DMD: variants seen among roughly 807,000 people sequenced by gnomAD.
The protein encoded by DMD is dystrophin, also known as mutant dystrophin.
A neutral mutation model predicts 330.1 loss-of-function variants in DMD; 63 were observed. The observed-to-expected ratio is 0.19, with a 90% confidence interval of 0.16 to 0.24. DMD has a LOEUF of 0.24. Among genes scored for constraint, DMD ranks in the 10% least tolerant of loss-of-function variants. The probability of loss-of-function intolerance (pLI) is 1.00; values close to 1 mark genes in which losing one functional copy is unlikely to be tolerated. For synonymous variants in DMD, 1,223 were observed against 959.8 expected, an observed-to-expected ratio of 1.27 and a Z score of -5.07; for missense variants, 3,344 against 2,684.1, an observed-to-expected ratio of 1.25 and a Z score of -5.43.
chrX:32,820,380 T>C (rs1051774180), intron 5 of DMD, among the ~76,000 whole-genome samples: 2 of 111,147 alleles, frequency 1.8e-5, no homozygotes, highest in Non-Finnish European at 3.8e-5. Context: ...AGGCGGAGCT[T>C]GCAGTGAGCA....
At chrX:31,817,685 A>G (rs16989832) in intron 50 of DMD, among the ~76,000 whole-genome samples, 3,550 of 111,410 alleles carry the variant, frequency 0.032, 150 homozygotes, top group African/African-American at 0.11. Flanking sequence ...AATGTGGAGG[A>G]CATAGGAGAA....
intron 44 of DMD, among the ~76,000 whole-genome samples, chrX:32,006,201 C>A (rs924751371): frequency 9.0e-6 from 1 of 111,712 alleles, no homozygotes; most frequent in Non-Finnish European, 1.9e-5. Context: ...ATCAACTCTG[C>A]AATATTTCAC....
intron 2 of DMD, among the ~76,000 whole-genome samples, chrX:32,942,004 C>A (rs1036550617): frequency 8.9e-6 from 1 of 111,744 alleles, no homozygotes; most frequent in African/African-American, 3.3e-5. Flanking sequence ...TACAAAATAA[C>A]AAAAACACCC....
At chrX:31,974,476 G>A (rs923280057) in intron 44 of DMD, among the ~76,000 whole-genome samples, 1 of 109,793 alleles carries the variant, frequency 9.1e-6, no homozygotes, top group Non-Finnish European at 1.9e-5. Context: ...GAAATAAAAT[G>A]CACCTTTTTA....
At chrX:31,522,123 T>C (rs5927763) in intron 55 of DMD, among the ~76,000 whole-genome samples, 33,308 of 107,838 alleles carry the variant, frequency 0.31, 4,291 homozygotes, top group African/African-American at 0.44. Context: ...ATCATACAAG[T>C]GATGATATTT....
At chrX:32,730,162 G>A (rs1480310220) in intron 7 of DMD, among the ~76,000 whole-genome samples, 1 of 111,583 alleles carries the variant, frequency 9.0e-6, no homozygotes, top group Non-Finnish European at 1.9e-5. Context: ...GCAAGACCCT[G>A]TCTCTACAAA....
At position 32,783,359 on chromosome X, in the gene DMD, T is replaced by TAC. The variant is rs760621406; in HGVS notation, c.649+26132_649+26133dup. On this transcript the variant is annotated intron_variant, in intron 7 of 78. Transcript: ENST00000357033. Reference sequence around the variant, plus strand: ...TATATACACATATATGGTATATATATACACACATATATATACACATATATA... The same window carrying TAC: ...TATATACACATATATGGTATATATATACACACACATATATATACACATATATA... Among the ~76,000 whole-genome samples, 81 of 103,429 alleles carry TAC rather than the reference T, an allele frequency of 7.8e-4. 1 individual carries two copies. In the East Asian group the frequency reaches 0.019, roughly 24 times the overall value. The allele number at this position is 103,429 out of a possible 115,157, so 89.8% of individuals were successfully genotyped here.
chrX:33,233,110 G>A (rs1342105809), intron 1 of DMD, among the ~76,000 whole-genome samples: 1 of 111,355 alleles, frequency 9.0e-6, no homozygotes, highest in Non-Finnish European at 1.9e-5. Flanking sequence ...AAAAATATGA[G>A]GTAACAGATT....
chrX:32,807,358 A>G, intron 7 of DMD, among the ~76,000 whole-genome samples: 1 of 111,132 alleles, frequency 9.0e-6, no homozygotes, highest in Non-Finnish European at 1.9e-5. Context: ...TGTTTAAGCG[A>G]TAAGATGCTC....
intron 1 of DMD, among the ~76,000 whole-genome samples, chrX:33,208,788 T>A (rs982221461): frequency 5.4e-5 from 6 of 111,052 alleles, no homozygotes; most frequent in Non-Finnish European, 9.5e-5. Context: ...AAATCATTTT[T>A]AATAAGTTAG....
chrX:31,837,724 C>T (rs181942835), intron 48 of DMD, among the ~76,000 whole-genome samples: 1 of 111,417 alleles, frequency 9.0e-6, no homozygotes, highest in East Asian at 2.8e-4. Flanking sequence ...GTTTAAGTGT[C>T]TCCGTGCCAC....
At chrX:32,898,599 T>C (rs1196117999) in intron 2 of DMD, among the ~76,000 whole-genome samples, 1 of 112,139 alleles carries the variant, frequency 8.9e-6, no homozygotes, top group Non-Finnish European at 1.9e-5. Flanking sequence ...GGCAGATTAA[T>C]GCAAATTGAG....
At chrX:32,083,522 G>C (rs1215018377) in intron 44 of DMD, among the ~76,000 whole-genome samples, 1 of 111,554 alleles carries the variant, frequency 9.0e-6, no homozygotes, top group African/African-American at 3.3e-5. Context: ...CTCCCAAAGT[G>C]CTGGGATTAC....
At chrX:31,304,023 T>C (rs748384325) in intron 62 of DMD, among the ~76,000 whole-genome samples, 2 of 112,499 alleles carry the variant, frequency 1.8e-5, no homozygotes, top group Non-Finnish European at 3.8e-5. Context: ...TATCTTTAGA[T>C]AAATGTTTTT....
chrX:32,775,682 C>T (rs957216249), intron 7 of DMD, among the ~76,000 whole-genome samples: 2 of 112,902 alleles, frequency 1.8e-5, no homozygotes, highest in Non-Finnish European at 3.8e-5. Flanking sequence ...TTGGGCCTGG[C>T]CCACCAAACC....
intron 7 of DMD, among the ~76,000 whole-genome samples, chrX:32,713,977 T>C (rs1436884600): frequency 8.9e-6 from 1 of 112,130 alleles, no homozygotes; most frequent in African/African-American, 3.2e-5. Flanking sequence ...ACAAAGCCTG[T>C]TCTATAAAAA....
At chrX:31,966,574 T>G (rs2095353245) in intron 45 of DMD, among the ~76,000 whole-genome samples, 1 of 110,913 alleles carries the variant, frequency 9.0e-6, no homozygotes, top group Non-Finnish European at 1.9e-5. Flanking sequence ...TTAATGTAGG[T>G]CAACATGTTT....
chrX:31,898,665 C>T (rs1313519523), intron 47 of DMD, among the ~76,000 whole-genome samples: 4 of 111,605 alleles, frequency 3.6e-5, no homozygotes, highest in Non-Finnish European at 5.7e-5. Flanking sequence ...CCATAAAAAC[C>T]CTAGAAGATA....
Position 32,849,751 on chromosome X carries a change from C to T in DMD, c.163G>A (p.Glu55Lys), listed in dbSNP as rs1603448406. 2.5e-6 allele frequency: 3 copies of T among 1,208,173 alleles called. No homozygotes were observed. The highest frequency in any genetic ancestry group is 3.4e-6 in the Non-Finnish European group (3 of 892,953). Residue 55 changes from glutamate (E) to lysine (K), a missense_variant, in exon 3 of 79, where the codon GAA becomes AAA. Physicochemically the swap from Glu to Lys is moderately conservative, Grantham distance 56. Transcript: ENST00000357033. The part of the protein sequence containing the change: ...QDGRRLLDLL[E>K]GLTGQKLPKE... ...ACCAGTTTTTGCCCTGTCAGGCCTT[C>T]GAGGAGGTCTAGGAGGCGCCTCCCA...
Sources: allele counts gnomAD v4.1 joint callset (sites outside exome capture counted in the v4.1 genomes callset), GRCh38; gene constraint gnomAD v4.1.1; transcripts MANE v1.5; gene names NCBI Gene and HGNC (gene_info 2026-07-23, HGNC 2026-07-21).